RORA: variants seen among roughly 807,000 people sequenced by gnomAD.
The protein encoded by RORA is nuclear receptor ROR-alpha.
Under a neutral mutation model 69.5 loss-of-function variants are expected in RORA, and 7 were observed. The observed-to-expected ratio is 0.10, with a 90% CI of 0.06 to 0.19. RORA has a LOEUF of 0.19. Ranked by LOEUF, RORA falls within the 10% of genes least tolerant of loss-of-function variation. RORA has a pLI of 1.00. For synonymous variants in RORA, 261 were observed against 240.8 expected (o/e 1.08, Z -0.78); for missense variants, 457 against 663.0 (o/e 0.69, Z 3.41).
chr15:60,769,568 T>C (rs2072043473), intron 1 of RORA, among the ~76,000 whole-genome samples: 1 of 152,184 alleles, frequency 6.6e-6, no homozygotes, highest in Non-Finnish European at 1.5e-5. Context: ...AGTCACCAGG[T>C]AGCAGAAGCC....
At chr15:60,583,915 C>T (rs1006117868) in intron 2 of RORA, among the ~76,000 whole-genome samples, 1 of 152,190 alleles carries the variant, frequency 6.6e-6, no homozygotes, top group Non-Finnish European at 1.5e-5. Context: ...CTTATCCTCA[C>T]AAGAGGATCT....
chr15:60,856,607 A>G (rs989141846), intron 1 of RORA, among the ~76,000 whole-genome samples: 2 of 152,216 alleles, frequency 1.3e-5, no homozygotes, highest in African/African-American at 4.8e-5. Flanking sequence ...AAAAAAATGT[A>G]TAACATTTTA....
chr15:60,996,653 G>A (rs1012831898), intron 1 of RORA, among the ~76,000 whole-genome samples: 3 of 152,158 alleles, frequency 2.0e-5, no homozygotes, highest in African/African-American at 7.2e-5. Context: ...GCTCACACCT[G>A]TAATCCCAGC....
chr15:60,526,278 G>A (rs1048957186), intron 3 of RORA, among the ~76,000 whole-genome samples: 1 of 152,110 alleles, frequency 6.6e-6, no homozygotes, highest in African/African-American at 2.4e-5. Context: ...GGTAAGTGTC[G>A]ATATCTGCTT....
intron 2 of RORA, among the ~76,000 whole-genome samples, chr15:60,615,690 A>G (rs1396040074): frequency 6.6e-6 from 1 of 152,208 alleles, no homozygotes; most frequent in East Asian, 1.9e-4. Context: ...GTTTGCCAAA[A>G]AACCTTTGTG....
chr15:60,702,286 T>A (rs1444893555), intron 1 of RORA, among the ~76,000 whole-genome samples: 1 of 152,154 alleles, frequency 6.6e-6, no homozygotes, highest in Non-Finnish European at 1.5e-5. Flanking sequence ...AGTGCAGTGG[T>A]GCGATCTAGG....
chr15:61,144,908 T>C (rs1036231743), intron 1 of RORA, among the ~76,000 whole-genome samples: 9 of 152,352 alleles, frequency 5.9e-5, no homozygotes, highest in African/African-American at 1.9e-4. Flanking sequence ...TTTCGCTGTA[T>C]ATCCTTTTAC....
At chr15:60,553,438 GACTA>G (rs2140397707) in intron 2 of RORA, among the ~76,000 whole-genome samples, 1 of 152,242 alleles carries the variant, frequency 6.6e-6, no homozygotes, top group East Asian at 1.9e-4. Flanking sequence ...GTATCACAGA[GACTA>G]ACAGCTATTT....
chr15:60,498,483 T>C (rs1453512099), intron 10 of RORA, among the ~76,000 whole-genome samples: 1 of 152,168 alleles, frequency 6.6e-6, no homozygotes, highest in Non-Finnish European at 1.5e-5. Context: ...AGCAAAATAA[T>C]AGAGTCAGAA....
At chr15:61,053,352 C>T (rs964724903) in intron 1 of RORA, among the ~76,000 whole-genome samples, 1 of 151,922 alleles carries the variant, frequency 6.6e-6, no homozygotes, top group African/African-American at 2.4e-5. Flanking sequence ...CTGACTCACA[C>T]TGACAAAAAG....
chr15:61,146,525 C>A (rs2079351399), intron 1 of RORA, among the ~76,000 whole-genome samples: 1 of 152,006 alleles, frequency 6.6e-6, no homozygotes, highest in Admixed American at 6.6e-5. Flanking sequence ...AAAATGGATG[C>A]AGTTCAGCAA....
intron 1 of RORA, among the ~76,000 whole-genome samples, chr15:61,218,674 T>TCACACACA (rs3054672): frequency 0.14 from 19,876 of 142,692 alleles, 1,491 homozygotes; most frequent in Non-Finnish European, 0.16. Flanking sequence ...CTAATATAAC[T>TCACACACA]CACACACACA....
intron 1 of RORA, among the ~76,000 whole-genome samples, chr15:60,763,365 A>T (rs577205039): frequency 2.0e-5 from 3 of 152,236 alleles, no homozygotes; most frequent in Non-Finnish European, 2.9e-5. Context: ...ATTTAAGAAC[A>T]GTGTCTCCTA....
At chr15:60,869,175 A>G (rs1464838277) in intron 1 of RORA, among the ~76,000 whole-genome samples, 2 of 152,226 alleles carry the variant, frequency 1.3e-5, no homozygotes, top group East Asian at 3.8e-4. Flanking sequence ...GCAGGTCCTC[A>G]GTGCAGCCAA....
At chr15:60,896,293 G>T (rs1247629734) in intron 1 of RORA, among the ~76,000 whole-genome samples, 1 of 152,150 alleles carries the variant, frequency 6.6e-6, no homozygotes, top group Non-Finnish European at 1.5e-5. Context: ...CAAAGCTAAC[G>T]CATCTTAGAC....
chr15:61,202,592 G>C (rs184765859), intron 1 of RORA, among the ~76,000 whole-genome samples: 1 of 152,096 alleles, frequency 6.6e-6, no homozygotes, highest in Non-Finnish European at 1.5e-5. Context: ...CAACCTCATA[G>C]GAGCAGGAGA....
At chr15:61,089,437 T>C (rs887135738) in intron 1 of RORA, among the ~76,000 whole-genome samples, 5 of 152,170 alleles carry the variant, frequency 3.3e-5, no homozygotes, top group Non-Finnish European at 5.9e-5. Context: ...CATGTGCACA[T>C]ACATGCACAC....
At chr15:61,210,891 T>C (rs2079984959) in intron 1 of RORA, among the ~76,000 whole-genome samples, 4 of 152,338 alleles carry the variant, frequency 2.6e-5, no homozygotes, top group Admixed American at 2.6e-4. Context: ...ATTCTCTTCC[T>C]ACTCTTCTGC....
intron 1 of RORA, among the ~76,000 whole-genome samples, chr15:61,205,472 A>C (rs1367596570): frequency 6.6e-6 from 1 of 152,230 alleles, no homozygotes; most frequent in Non-Finnish European, 1.5e-5. Context: ...GATTGCACGC[A>C]GGAATTCCTC....
Sources: allele counts gnomAD v4.1 joint callset (sites outside exome capture counted in the v4.1 genomes callset), GRCh38; gene constraint gnomAD v4.1.1; transcripts MANE v1.5; gene names NCBI Gene and HGNC (gene_info 2026-07-23, HGNC 2026-07-21).